WWOX: variants seen among roughly 807,000 people sequenced by gnomAD.
WWOX encodes WW domain containing oxidoreductase.
Under a neutral mutation model 46.2 loss-of-function variants are expected in WWOX, and 69 were observed. The ratio of observed to expected loss-of-function variants is 1.49; its 90% CI spans 1.23 to 1.82. The LOEUF (loss-of-function observed/expected upper bound fraction) is 1.82, where lower values mean the gene tolerates loss of function less well. Ranked by LOEUF, WWOX falls within the 40% of genes most tolerant of loss-of-function variation. The pLI, the probability that WWOX is intolerant of heterozygous loss-of-function variation, is 0.00. For missense variants in WWOX, 919 were observed against 542.6 expected (o/e 1.69, Z -6.89); for synonymous variants, 359 against 202.6 (o/e 1.77, Z -6.56).
In WWOX at chr16:78,350,497, C is replaced by T. The variant is rs1479107449; in HGVS notation, c.517-36363C>T. 2.5e-5 allele frequency among the ~76,000 whole-genome samples: 3 copies of T among 121,102 alleles called. 1 individual carries two copies. The highest frequency in any genetic ancestry group is 8.4e-5 in the African/African-American group (3 of 35,780). 79.4% of individuals were successfully genotyped at this position (121,102 alleles called of 152,430 possible). ...CCAGCTCCAGGTAACCACTCATCTA[C>T]TTTCTGTCTCTATATAGATTTGCCT... On this transcript the variant is annotated intron_variant, in intron 5 of 8. Coordinates refer to ENST00000566780, the MANE Select transcript of WWOX (RefSeq NM_016373.4).
chr16:78,645,624 G>C (rs192012294), intron 8 of WWOX, among the ~76,000 whole-genome samples: 1 of 152,184 alleles, frequency 6.6e-6, no homozygotes, highest in Admixed American at 6.5e-5. Flanking sequence ...GAGGGGAGGG[G>C]AGGTGCCAGA....
At chr16:78,709,047 CT>C (rs902915847) in intron 8 of WWOX, among the ~76,000 whole-genome samples, 6 of 152,210 alleles carry the variant, frequency 3.9e-5, no homozygotes, top group African/African-American at 1.4e-4. Context: ...AATTGGCCCC[CT>C]GACCCCTTAT....
chr16:78,810,525 T>A (rs976813592), intron 8 of WWOX, among the ~76,000 whole-genome samples: 4 of 152,230 alleles, frequency 2.6e-5, no homozygotes, highest in African/African-American at 9.6e-5. Flanking sequence ...TATTTGCTGT[T>A]AACAAAATAA....
chr16:78,478,128 A>G (rs542997241), intron 8 of WWOX, among the ~76,000 whole-genome samples: 81 of 152,342 alleles, frequency 5.3e-4, no homozygotes, highest in Non-Finnish European at 9.0e-4. Flanking sequence ...ACAGAATGAA[A>G]AACACAGCAA....
At chr16:79,171,707 A>G (rs1175087061) in intron 8 of WWOX, among the ~76,000 whole-genome samples, 1 of 152,158 alleles carries the variant, frequency 6.6e-6, no homozygotes, top group South Asian at 2.1e-4. Flanking sequence ...TCCAATCAGC[A>G]GATGTTCTTT....
At chr16:78,936,107 A>G (rs960956367) in intron 8 of WWOX, among the ~76,000 whole-genome samples, 10 of 152,246 alleles carry the variant, frequency 6.6e-5, no homozygotes, top group African/African-American at 2.4e-4. Flanking sequence ...AAAGGAAAGA[A>G]GGAGGTAATG....
rs530943427 is a variant in WWOX, at chr16:78,678,201, T to A, written c.1056+245449T>A. On this transcript the variant is annotated intron_variant, in intron 8 of 8. Transcript: ENST00000566780. ...TGGCCTTACGTGGCATTTGGTAGAT[T>A]ACATGCTTAATGAAAAGTGAGTGAA... is the stretch of plus-strand genomic sequence containing the variant. 2.6e-5 allele frequency among the ~76,000 whole-genome samples: 4 copies of A among 152,224 alleles called. No homozygotes were observed. In the South Asian group the frequency reaches 8.3e-4, roughly 32 times the overall value.
chr16:78,913,836 T>C (rs1447369106), intron 8 of WWOX, among the ~76,000 whole-genome samples: 1 of 151,946 alleles, frequency 6.6e-6, no homozygotes, highest in African/African-American at 2.4e-5. Flanking sequence ...AACTTTTGTA[T>C]TTTTTGTAGA....
chr16:78,772,777 G>T (rs2050095608), intron 8 of WWOX, among the ~76,000 whole-genome samples: 1 of 152,150 alleles, frequency 6.6e-6, no homozygotes, highest in Non-Finnish European at 1.5e-5. Flanking sequence ...TCAGCGCTTT[G>T]TGGGGCTTAG....
intron 8 of WWOX, among the ~76,000 whole-genome samples, chr16:78,568,304 A>G (rs1176433008): frequency 6.6e-6 from 1 of 152,014 alleles, no homozygotes; most frequent in African/African-American, 2.4e-5. Flanking sequence ...ACTTATCATT[A>G]CTTTGTCCCT....
chr16:78,433,202 C>G (rs922037757), intron 8 of WWOX, among the ~76,000 whole-genome samples: 5 of 152,066 alleles, frequency 3.3e-5, no homozygotes, highest in Non-Finnish European at 7.4e-5. Context: ...ATCTTTTGTT[C>G]TAAATTTTTT....
chr16:78,705,030 A>C (rs2048302786), intron 8 of WWOX, among the ~76,000 whole-genome samples: 1 of 151,996 alleles, frequency 6.6e-6, no homozygotes, highest in East Asian at 1.9e-4. Context: ...CTTCTAAGGT[A>C]AGGGCAAGGA....
chr16:78,189,902 A>T lies in WWOX; in HGVS notation c.516+25613A>T, dbSNP rs1251794777. Among the ~76,000 whole-genome samples the T allele has an allele frequency of 3.3e-5, 5 of 152,014 alleles. No individual in the cohort carries two copies. The East Asian group carries it at 9.7e-4, about 29-fold the overall frequency. On this transcript the variant is annotated intron_variant, in intron 5 of 8. Transcript: ENST00000566780. ...ACTCCTGACCTCAAGTGATCCACCCACCTCGGCCTCCCAAAGTGCTGGGAT... is the reference window on the plus strand; with the variant it reads ...ACTCCTGACCTCAAGTGATCCACCCTCCTCGGCCTCCCAAAGTGCTGGGAT...
At chr16:78,856,845 A>G (rs1410067689) in intron 8 of WWOX, among the ~76,000 whole-genome samples, 1 of 152,206 alleles carries the variant, frequency 6.6e-6, no homozygotes, top group East Asian at 1.9e-4. Flanking sequence ...ATGCTTCGTT[A>G]GGCCATTTTG....
chr16:79,107,430 G>T (rs1231666133), intron 8 of WWOX, among the ~76,000 whole-genome samples: 1 of 152,212 alleles, frequency 6.6e-6, no homozygotes, highest in Non-Finnish European at 1.5e-5. Flanking sequence ...CATCCTTGCT[G>T]TTCTGTTTTT....
At chr16:78,436,102 C>T (rs1283786503) in intron 8 of WWOX, among the ~76,000 whole-genome samples, 1 of 152,200 alleles carries the variant, frequency 6.6e-6, no homozygotes, top group African/African-American at 2.4e-5. Context: ...AGCTCAGTGC[C>T]TTTCGCATGG....
chr16:78,998,362 C>G (rs28566995), intron 8 of WWOX, among the ~76,000 whole-genome samples: 1 of 152,156 alleles, frequency 6.6e-6, no homozygotes, highest in African/African-American at 2.4e-5. Flanking sequence ...TGGGTTTTCA[C>G]GCTTTGTACT....
At chr16:78,764,833 G>A (rs1024858871) in intron 8 of WWOX, among the ~76,000 whole-genome samples, 1 of 151,814 alleles carries the variant, frequency 6.6e-6, no homozygotes, top group Admixed American at 6.6e-5. Flanking sequence ...TGATATTGTT[G>A]CTCATAGCAA....
intron 8 of WWOX, among the ~76,000 whole-genome samples, chr16:79,007,300 G>A (rs1418578521): frequency 6.6e-6 from 1 of 152,178 alleles, no homozygotes; most frequent in Non-Finnish European, 1.5e-5. Context: ...GTAATCAGGG[G>A]AGGGCCCCTG....
Sources: gnomAD v4.1 joint callset for allele counts (sites outside exome capture counted in the v4.1 genomes callset) on GRCh38, gnomAD v4.1.1 for gene constraint, MANE v1.5 for transcripts, NCBI Gene and HGNC (gene_info 2026-07-23, HGNC 2026-07-21) for gene names.